Variants in CRTC1 observed in about 807,000 individuals in gnomAD.
CRTC1 encodes CREB regulated transcription coactivator 1, also known as CREB-regulated transcription coactivator 1.
In CRTC1, 18 loss-of-function variants were observed where a neutral mutation model predicts 66.1. The ratio of observed to expected loss-of-function variants is 0.27; its 90% CI spans 0.19 to 0.40. CRTC1 has a LOEUF of 0.40. CRTC1 is among the 10% of genes least tolerant of loss of function. The pLI, the probability that CRTC1 is intolerant of heterozygous loss-of-function variation, is 1.00. For synonymous variants in CRTC1, 416 were observed against 398.8 expected (o/e 1.04, Z -0.51); for missense variants, 669 against 887.9 (o/e 0.75, Z 3.13).
intron 1 of CRTC1, among the ~76,000 whole-genome samples, chr19:18,710,668 A>G (rs1056785043): frequency 2.0e-5 from 3 of 151,944 alleles, no homozygotes; most frequent in Non-Finnish European, 2.9e-5. Flanking sequence ...CTGGAGTGCA[A>G]TGGCTTGATC....
intron 1 of CRTC1, among the ~76,000 whole-genome samples, chr19:18,727,990 C>T (rs893014098): frequency 3.3e-5 from 5 of 152,044 alleles, no homozygotes; most frequent in Non-Finnish European, 7.4e-5. Flanking sequence ...CCTCCCAAAG[C>T]GCTGGGATTA....
At chr19:18,759,857 C>A in intron 7 of CRTC1, 151 bp from the exon 8 acceptor site, 1 of 743,378 alleles carries the variant, frequency 1.3e-6, no homozygotes, top group Non-Finnish European at 2.2e-6. Context: ...AGGTCTCAGC[C>A]TGGTGCCAGC....
At chr19:18,699,257 C>T (rs963066181) in intron 1 of CRTC1, among the ~76,000 whole-genome samples, 8 of 152,282 alleles carry the variant, frequency 5.3e-5, no homozygotes, top group South Asian at 4.1e-4. Context: ...GAGGGGTGTG[C>T]GGGGTCTTCT....
At chr19:18,762,316 G>A (rs770905286) in intron 8 of CRTC1, among the ~76,000 whole-genome samples, 7 of 152,228 alleles carry the variant, frequency 4.6e-5, no homozygotes, top group Admixed American at 6.5e-5. Context: ...AGAGCGGCCC[G>A]GTAATGCCTG....
In CRTC1 at chr19:18,741,566, A is replaced by G. The variant is rs147611331; in HGVS notation, c.127-1344A>G. Among the ~76,000 whole-genome samples, 86 of 152,234 alleles carry G rather than the reference A, an allele frequency of 5.6e-4. No homozygotes were observed. The highest frequency in any genetic ancestry group is 2.2e-3 in the Admixed American group (33 of 15,294). ...CAGGTAGGTGTGGGGTGGGAGCTGT[A>G]GGACCCCCACCCTACACCCCCTCCC... On this transcript the variant is annotated intron_variant, in intron 1 of 13. Transcript: ENST00000321949. The surrounding 1 kb of genome is among the most constrained non-coding windows in gnomAD (Gnocchi z 4.2).
chr19:18,722,599 C>T (rs983718046), intron 1 of CRTC1, among the ~76,000 whole-genome samples: 4 of 152,354 alleles, frequency 2.6e-5, no homozygotes, highest in East Asian at 1.9e-4. Flanking sequence ...GGACTGCTGA[C>T]GGCCACCAGT....
At chr19:18,756,412 T>C (rs1294199036) in intron 6 of CRTC1, among the ~76,000 whole-genome samples, 1 of 148,348 alleles carries the variant, frequency 6.7e-6, no homozygotes, top group African/African-American at 2.5e-5. Flanking sequence ...TTTGGGAGGC[T>C]GAGGTGGGAG....
At chr19:18,759,885 G>A (rs2054574086) in intron 7 of CRTC1, 123 bp from the exon 8 acceptor site, 3 of 832,306 alleles carry the variant, frequency 3.6e-6, no homozygotes, top group Non-Finnish European at 5.8e-6. Context: ...GGTTTCCCAA[G>A]CACACGGCAC....
chr19:18,772,046 C>T (rs1024653817), intron 11 of CRTC1, among the ~76,000 whole-genome samples: 24 of 152,316 alleles, frequency 1.6e-4, no homozygotes, highest in African/African-American at 5.3e-4. Flanking sequence ...TTCTCTGAGC[C>T]GCTCTGCAGT....
At chr19:18,735,856 C>G (rs547522375) in intron 1 of CRTC1, among the ~76,000 whole-genome samples, 1 of 152,206 alleles carries the variant, frequency 6.6e-6, no homozygotes, top group East Asian at 1.9e-4. Context: ...AGATCTAATG[C>G]TTGCTGCCCG....
At position 18,697,331 on chromosome 19, in the gene CRTC1, G is replaced by A. The variant is rs530638259; in HGVS notation, c.126+13503G>A. Among the ~76,000 whole-genome samples the A allele has an allele frequency of 1.5e-3, 222 of 152,248 alleles. 1 individual carries two copies. The highest frequency in any genetic ancestry group is 0.01 in the Middle Eastern group (3 of 294). On this transcript the variant is annotated intron_variant, in intron 1 of 13. Transcript: ENST00000321949. ...CCCCACCTCGCTTCCTTCTGGGCGA[G>A]CTTAGACCTGGGAGGCCTCTTTTTT...
In CRTC1 at chr19:18,691,964, C is replaced by T. The variant is rs144814638; in HGVS notation, c.126+8136C>T. Among the ~76,000 whole-genome samples the T allele has an allele frequency of 1.8e-3, 270 of 152,238 alleles. 2 individuals are homozygous for T. Among genetic ancestry groups the T allele is most frequent in the African/African-American group, 5.8e-3 (243 of 41,546 alleles). On this transcript the variant is annotated intron_variant, in intron 1 of 13. Coordinates refer to ENST00000321949, the MANE Select transcript of CRTC1 (RefSeq NM_015321.3). The stretch of plus-strand genomic sequence containing the variant: ...CTGGCCTCAAATGATCCACCTGCCT[C>T]GGCCTCCCAATGTGCTGGGATTACA...
chr19:18,697,840 A>G (rs914389340), intron 1 of CRTC1, among the ~76,000 whole-genome samples: 1 of 152,264 alleles, frequency 6.6e-6, no homozygotes, highest in Non-Finnish European at 1.5e-5. Flanking sequence ...CAGGCATCCA[A>G]CAGGTGCTTG....
At chr19:18,727,651 C>T (rs981548258) in intron 1 of CRTC1, among the ~76,000 whole-genome samples, 13 of 151,256 alleles carry the variant, frequency 8.6e-5, no homozygotes, top group South Asian at 2.1e-4. Flanking sequence ...TGAGGCGATC[C>T]GTCTACAAGC....
intron 1 of CRTC1, among the ~76,000 whole-genome samples, chr19:18,692,039 A>G (rs1197050674): frequency 1.3e-5 from 2 of 151,884 alleles, no homozygotes; most frequent in Non-Finnish European, 2.9e-5. Context: ...TTAGGACACA[A>G]TCCATACCCG....
At chr19:18,713,882 G>A (rs371652128) in intron 1 of CRTC1, among the ~76,000 whole-genome samples, 1 of 152,222 alleles carries the variant, frequency 6.6e-6, no homozygotes, top group Non-Finnish European at 1.5e-5. Context: ...TATCTGCTGG[G>A]GTGAGCCCTG....
At chr19:18,702,888 C>T (rs1403323046) in intron 1 of CRTC1, among the ~76,000 whole-genome samples, 1 of 152,102 alleles carries the variant, frequency 6.6e-6, no homozygotes, top group Non-Finnish European at 1.5e-5. Flanking sequence ...ACCTGTTTCC[C>T]ACATTGTGAA....
chr19:18,731,021 G>A (rs953497274), intron 1 of CRTC1, among the ~76,000 whole-genome samples: 7 of 151,986 alleles, frequency 4.6e-5, no homozygotes, highest in Non-Finnish European at 2.9e-5. Flanking sequence ...TGTCACCCAG[G>A]TTGGAGTGCA....
chr19:18,763,711 G>C (rs375633463), intron 8 of CRTC1, among the ~76,000 whole-genome samples: 1 of 152,198 alleles, frequency 6.6e-6, no homozygotes, highest in African/African-American at 2.4e-5. Context: ...CCTCGAGACG[G>C]GCCACAGTGC....
Sources: allele counts gnomAD v4.1 joint callset (sites outside exome capture counted in the v4.1 genomes callset), GRCh38; gene constraint gnomAD v4.1.1; non-coding constraint Gnocchi (gnomAD v3.1); transcripts MANE v1.5; gene names NCBI Gene and HGNC (gene_info 2026-07-23, HGNC 2026-07-21).